COL1A2: variants seen among roughly 807,000 people sequenced by gnomAD.
The protein encoded by COL1A2 is collagen type I alpha 2 chain, also known as collagen alpha-2(I) chain.
A neutral mutation model predicts 174.3 loss-of-function variants in COL1A2; 49 were observed. That is an observed-to-expected ratio of 0.28 (90% CI 0.22 to 0.36). The LOEUF (loss-of-function observed/expected upper bound fraction) is 0.36, where lower values mean the gene tolerates loss of function less well. COL1A2 is among the 10% of genes least tolerant of loss of function. COL1A2 has a pLI of 1.00. For missense variants in COL1A2, 1,438 were observed against 1,822.7 expected, an observed-to-expected ratio of 0.79 and a Z score of 3.84; for synonymous variants, 655 against 606.6, an observed-to-expected ratio of 1.08 and a Z score of -1.17.
chr7:94,413,891 C>T lies in COL1A2; in HGVS notation c.1612-3C>T. ...TTTATGCTCTCTTTCCTGTCACTTT[C>T]AGGGTGTTCAAGGTGGAAAAGGTGA... On this transcript the variant is annotated splice_region_variant and splice_polypyrimidine_tract_variant and intron_variant, in intron 27 of 51. Transcript: ENST00000297268. The T allele has an allele frequency of 6.2e-7, 1 of 1,614,040 alleles. No homozygotes were observed. The highest frequency in any genetic ancestry group is 8.5e-7 in the Non-Finnish European group (1 of 1,179,912).
intron 1 of COL1A2, among the ~76,000 whole-genome samples, chr7:94,397,133 C>G (rs41317855): frequency 6.6e-6 from 1 of 151,714 alleles, no homozygotes; most frequent in East Asian, 1.9e-4. Context: ...AAGCAAAATT[C>G]AGATGTCTGA....
In COL1A2 at chr7:94,421,033, G is replaced by A. The variant is rs1584326654; in HGVS notation, c.2320G>A (p.Ala774Thr). ...GGGTCCAAATGGTCCCCCCGGTCCT[G>A]CTGGAAGTCGTGGTGATGGAGGCCC... ...PAGPNGPPGPAGSRGDGGPPG... is the reference protein window; with the variant it reads ...PAGPNGPPGPTGSRGDGGPPG... The change falls in exon 38 of 52, where the codon GCT (alanine) becomes ACT (threonine). Residue 774 changes from alanine to threonine, a missense_variant. Ala to Thr is a moderately conservative substitution (Grantham distance 58). Transcript: ENST00000297268. 1 of 1,614,160 alleles carries A rather than the reference G, an allele frequency of 6.2e-7. No homozygotes were observed. The highest frequency in any genetic ancestry group is 8.5e-7 in the Non-Finnish European group (1 of 1,180,020).
chr7:94,398,235 A>G, intron 2 of COL1A2, 147 bp from the exon 3 acceptor site: 1 of 314,772 alleles, frequency 3.2e-6, no homozygotes, highest in African/African-American at 2.2e-5. Flanking sequence ...TTTAAATTGT[A>G]GTTTGAAATA....
chr7:94,404,773 TAA>T (rs766373669), intron 8 of COL1A2, 27 bp downstream of exon 8: 33 of 1,614,022 alleles, frequency 2.0e-5, no homozygotes, highest in Admixed American at 1.0e-4. Flanking sequence ...ACCTTTGTGA[TAA>T]GTTTTTTTCC....
At chr7:94,418,697 T>C (rs565514458) in intron 33 of COL1A2, 145 bp downstream of exon 33, 427 of 665,696 alleles carry the variant, frequency 6.4e-4, no homozygotes, top group Non-Finnish European at 9.8e-4. Context: ...GGTCTATGAC[T>C]AATAATATCA....
intron 29 of COL1A2, 89 bp downstream of exon 29, chr7:94,414,364 G>A: frequency 8.3e-7 from 1 of 1,210,368 alleles, no homozygotes; most frequent in Non-Finnish European, 1.2e-6. Context: ...ATTATAATAT[G>A]TAAAAGAAAA....
At position 94,410,477 on chromosome 7, in the gene COL1A2, C is replaced by A; in HGVS notation, c.1147C>A (p.Pro383Thr). 1 of 1,550,432 alleles carries A rather than the reference C, an allele frequency of 6.4e-7. No individual in the cohort carries two copies. Among genetic ancestry groups the A allele is most frequent in the Non-Finnish European group, 8.7e-7 (1 of 1,147,108 alleles). ...GPSGEEGKRG[P>T]NGEAGSAGPP... ...CAGTGGTGAAGAAGGAAAGAGAGGCCCTAATGGGGAAGCTGGATCTGCCGG... is the reference window on the plus strand; with the variant it reads ...CAGTGGTGAAGAAGGAAAGAGAGGCACTAATGGGGAAGCTGGATCTGCCGG... Residue 383 changes from proline to threonine, a missense_variant, in exon 21 of 52, where the codon CCT (proline) becomes ACT (threonine). By Grantham distance (38) the Pro-to-Thr change is conservative (BLOSUM62 -1). Coordinates refer to ENST00000297268, the MANE Select transcript of COL1A2 (RefSeq NM_000089.4).
At chr7:94,415,187 A>T in intron 29 of COL1A2, 39 bp from the exon 30 acceptor site, 4 of 1,587,298 alleles carry the variant, frequency 2.5e-6, no homozygotes, top group Non-Finnish European at 3.5e-6. Context: ...TTTAGAGATC[A>T]CACACAGATT....
At chr7:94,422,791 T>G (rs1044149326) in intron 39 of COL1A2, 166 bp from the exon 40 acceptor site, 2 of 887,710 alleles carry the variant, frequency 2.3e-6, no homozygotes, top group Admixed American at 2.2e-5. Context: ...AGTTGCTTCT[T>G]TCTGCAAGAA....
Position 94,429,289 on chromosome 7 carries a change from C to T in COL1A2, c.3813C>T (p.His1271=). 2 of 1,614,102 alleles carry T rather than the reference C, an allele frequency of 1.2e-6. No individual in the cohort carries two copies. The highest frequency in any genetic ancestry group is 1.3e-5 in the African/African-American group (1 of 75,030). ...ANYASQNITY[H]CKNSIAYMDE... is the part of the protein sequence containing the mutation. The stretch of plus-strand genomic sequence containing the variant: ...ATGCCTCTCAGAACATCACCTACCA[C>T]TGCAAGAACAGCATTGCATACATGG... The change falls in exon 51 of 52, where the codon CAC becomes CAT. Residue 1271 remains histidine, a synonymous_variant. Transcript: ENST00000297268.
chr7:94,418,900 A>G (rs1008239960), intron 33 of COL1A2, among the ~76,000 whole-genome samples: 2 of 151,680 alleles, frequency 1.3e-5, no homozygotes, highest in Non-Finnish European at 2.9e-5. Context: ...TAAGTCTCCT[A>G]TGCTTTAGGA....
intron 39 of COL1A2, 56 bp from the exon 40 acceptor site, chr7:94,422,901 C>T: frequency 6.2e-7 from 1 of 1,603,374 alleles, no homozygotes; most frequent in Non-Finnish European, 8.5e-7. Flanking sequence ...TTGCTGCTCT[C>T]TTCCAGGCCC....
chr7:94,424,590 T>C (rs557157422), intron 41 of COL1A2, 147 bp downstream of exon 41: 2 of 690,238 alleles, frequency 2.9e-6, no homozygotes, highest in South Asian at 3.6e-5. Flanking sequence ...ATGTCACTTA[T>C]CTAAGAAGCT....
intron 28 of COL1A2, 104 bp from the exon 29 acceptor site, chr7:94,414,118 G>T: frequency 7.5e-7 from 1 of 1,342,204 alleles, no homozygotes; most frequent in Non-Finnish European, 1.1e-6. Flanking sequence ...ACATACAATC[G>T]TGCTCATGTT....
chr7:94,403,350 A>G (rs1791728842), intron 6 of COL1A2, among the ~76,000 whole-genome samples: 5 of 152,214 alleles, frequency 3.3e-5, no homozygotes, highest in Admixed American at 3.3e-4. Context: ...ATAAAGTATT[A>G]AAATAATTTC....
chr7:94,409,492 T>C (rs1225659296), intron 17 of COL1A2, 72 bp downstream of exon 17: 10 of 1,611,008 alleles, frequency 6.2e-6, no homozygotes, highest in Non-Finnish European at 7.6e-6. Flanking sequence ...AGAAGAAGAA[T>C]GAAGATGGGG....
In COL1A2 at chr7:94,427,931, G is replaced by A. The variant is rs923180453; in HGVS notation, c.3526+46G>A. 10 of 1,605,682 alleles carry A rather than the reference G, an allele frequency of 6.2e-6. No individual in the cohort carries two copies. The African/African-American group carries it at 1.2e-4, about 19-fold the overall frequency. On this transcript the variant is annotated intron_variant, in intron 49 of 51. Transcript: ENST00000297268. ...CAGACTGACCCTTCTCACAAGTTGA[G>A]CTTTTCAAAATTAGTTTCCATTGAC...
At chr7:94,420,879 C>T in intron 37 of COL1A2, 130 bp from the exon 38 acceptor site, 1 of 997,640 alleles carries the variant, frequency 1.0e-6, no homozygotes, top group Non-Finnish European at 1.6e-6. Context: ...GAAGAACATT[C>T]TGACACAGAT....
intron 2 of COL1A2, among the ~76,000 whole-genome samples, chr7:94,398,173 A>G (rs1038724144): frequency 6.6e-6 from 1 of 152,036 alleles, no homozygotes; most frequent in Non-Finnish European, 1.5e-5. Flanking sequence ...ACGTATTGCT[A>G]TGTATTTTTT....
Sources: gnomAD v4.1 joint callset for allele counts (sites outside exome capture counted in the v4.1 genomes callset) on GRCh38, gnomAD v4.1.1 for gene constraint, MANE v1.5 for transcripts, NCBI Gene and HGNC (gene_info 2026-07-23, HGNC 2026-07-21) for gene names.